Variants in PLCB1 observed in about 807,000 individuals in gnomAD.
PLCB1 encodes the protein 1-phosphatidylinositol 4,5-bisphosphate phosphodiesterase beta-1.
In PLCB1, 46 loss-of-function variants were observed where a neutral mutation model predicts 161.8. That is an observed-to-expected ratio of 0.28 (90% confidence interval 0.22 to 0.36). The LOEUF (loss-of-function observed/expected upper bound fraction) is 0.36, where lower values mean the gene tolerates loss of function less well. Among genes scored for constraint, PLCB1 ranks in the 10% least tolerant of loss-of-function variants. The pLI is 1.00. For missense variants in PLCB1, 1,016 were observed against 1,472.5 expected (o/e 0.69, Z 5.07); for synonymous variants, 517 against 503.7 (o/e 1.03, Z -0.35).
intron 3 of PLCB1, among the ~76,000 whole-genome samples, chr20:8,465,360 C>G (rs1720960547): frequency 6.6e-6 from 1 of 152,094 alleles, no homozygotes; most frequent in African/African-American, 2.4e-5. Context: ...GGTATGAAAT[C>G]TCTTTGGAGA....
intron 2 of PLCB1, among the ~76,000 whole-genome samples, chr20:8,247,180 A>G (rs755968381): frequency 7.9e-5 from 12 of 151,952 alleles, no homozygotes; most frequent in Non-Finnish European, 1.8e-4. Context: ...AAGAAAAGAC[A>G]TTTATCAGAT....
In PLCB1 at chr20:8,150,362, T is replaced by A; in HGVS notation, c.168T>A (p.Asp56Glu). 2 of 1,523,134 alleles carry A rather than the reference T, an allele frequency of 1.3e-6. No homozygotes were observed. Among genetic ancestry groups the A allele is most frequent in the South Asian group, 1.2e-5 (1 of 85,202 alleles). 94.4% of individuals were successfully genotyped at this position (1,523,134 alleles called of 1,614,324 possible). A position where few individuals can be genotyped will look rare whatever the true frequency, so the allele number is the denominator to read the frequency against. ...AGGGATTTTTCTTTTACTGGACAGATCAAAACAAGGTAAGAAATGAGGTAT... is the reference window on the plus strand; with the variant it reads ...AGGGATTTTTCTTTTACTGGACAGAACAAAACAAGGTAAGAAATGAGGTAT... ...DPQGFFFYWT[D>E]QNKETELLDL... is the part of the protein sequence containing the mutation. The change falls in exon 2 of 32, where the codon GAT (aspartate) becomes GAA (glutamate). Residue 56 changes from aspartate (D) to glutamate (E), a missense_variant. Asp to Glu is a conservative substitution (Grantham distance 45). Around this residue, in one of 10 missense-constraint regions of PLCB1, gnomAD observed 181 missense variants for 236.7 expected, o/e 0.76. Transcript: ENST00000338037.
chr20:8,489,249 T>C (rs552879001), intron 3 of PLCB1, among the ~76,000 whole-genome samples: 1 of 152,222 alleles, frequency 6.6e-6, no homozygotes, highest in South Asian at 2.1e-4. Flanking sequence ...TACACCAGAT[T>C]TGCCTAGAGG....
At chr20:8,139,177 G>T (rs1362243875) in intron 1 of PLCB1, among the ~76,000 whole-genome samples, 1 of 139,724 alleles carries the variant, frequency 7.2e-6, no homozygotes, top group Non-Finnish European at 1.5e-5. Flanking sequence ...AACCTCTGCA[G>T]CCGGGTTCAA....
At chr20:8,562,498 G>A (rs1412440431) in intron 3 of PLCB1, among the ~76,000 whole-genome samples, 1 of 152,068 alleles carries the variant, frequency 6.6e-6, no homozygotes, top group Non-Finnish European at 1.5e-5. Flanking sequence ...AGTGTTCCTT[G>A]CTGCCTATTT....
intron 26 of PLCB1, among the ~76,000 whole-genome samples, chr20:8,767,757 A>G (rs16995191): frequency 0.012 from 1,774 of 152,328 alleles, 27 homozygotes; most frequent in African/African-American, 0.04. Flanking sequence ...ATAGCATTTC[A>G]TTGAGTGTCA....
intron 11 of PLCB1, among the ~76,000 whole-genome samples, chr20:8,700,367 G>T (rs899384652): frequency 3.3e-5 from 5 of 152,194 alleles, no homozygotes; most frequent in Admixed American, 6.5e-5. Context: ...ACATCCTAAG[G>T]CATATTTATT....
At chr20:8,723,783 G>C (rs146834248) in intron 15 of PLCB1, among the ~76,000 whole-genome samples, 69 of 152,164 alleles carry the variant, frequency 4.5e-4, no homozygotes, top group African/African-American at 1.6e-3. Context: ...AGGCAGGCTG[G>C]CTCTAGAACG....
chr20:8,682,514 T>C (rs1288479172), intron 9 of PLCB1, among the ~76,000 whole-genome samples: 1 of 152,178 alleles, frequency 6.6e-6, no homozygotes, highest in African/African-American at 2.4e-5. Context: ...TCTTGGACAA[T>C]AGTAAAAGCA....
chr20:8,139,574 G>A (rs1189431752), intron 1 of PLCB1, among the ~76,000 whole-genome samples: 1 of 151,542 alleles, frequency 6.6e-6, no homozygotes, highest in Admixed American at 6.6e-5. Flanking sequence ...ATATTATTTT[G>A]CCATTAAAAA....
At chr20:8,640,218 A>G (rs2123261273) in intron 4 of PLCB1, among the ~76,000 whole-genome samples, 1 of 152,352 alleles carries the variant, frequency 6.6e-6, no homozygotes, top group Middle Eastern at 3.4e-3. Context: ...CTCGTTCACT[A>G]ATCAGTTTTC....
chr20:8,193,263 CT>C (rs1253027998), intron 2 of PLCB1, among the ~76,000 whole-genome samples: 1 of 151,940 alleles, frequency 6.6e-6, no homozygotes, highest in African/African-American at 2.4e-5. Context: ...GAAAGTCCAG[CT>C]TCTGTAATGT....
chr20:8,350,761 C>A (rs948571227), intron 2 of PLCB1, among the ~76,000 whole-genome samples: 1 of 151,830 alleles, frequency 6.6e-6, no homozygotes, highest in Non-Finnish European at 1.5e-5. Flanking sequence ...AAAAATATCA[C>A]CAAAAAATGA....
intron 3 of PLCB1, among the ~76,000 whole-genome samples, chr20:8,449,177 C>A (rs117617087): frequency 6.6e-6 from 1 of 152,158 alleles, no homozygotes; most frequent in African/African-American, 2.4e-5. Context: ...ATGCTTATGA[C>A]ATACCAGGTC....
intron 2 of PLCB1, among the ~76,000 whole-genome samples, chr20:8,267,193 T>A (rs1455858120): frequency 7.1e-6 from 1 of 140,028 alleles, no homozygotes; most frequent in Non-Finnish European, 1.5e-5. Context: ...CAAGCAATAA[T>A]CATGCCTTAA....
chr20:8,853,716 G>A (rs527770781), intron 31 of PLCB1, among the ~76,000 whole-genome samples: 1 of 152,174 alleles, frequency 6.6e-6, no homozygotes, highest in Admixed American at 6.5e-5. Flanking sequence ...TTCAGTTCAA[G>A]CAAAGAAAAG....
At chr20:8,147,734 G>A (rs1426613558) in intron 1 of PLCB1, among the ~76,000 whole-genome samples, 1 of 152,192 alleles carries the variant, frequency 6.6e-6, no homozygotes, top group South Asian at 2.1e-4. Flanking sequence ...AGGAACTGTG[G>A]CCGGAAGAGT....
chr20:8,843,184 C>G lies in PLCB1; in HGVS notation c.3424-38438C>G, dbSNP rs1050631991. Among the ~76,000 whole-genome samples, 82 of 152,130 alleles carry G rather than the reference C, an allele frequency of 5.4e-4. 1 individual carries two copies. The highest frequency in any genetic ancestry group is 1.9e-3 in the African/African-American group (80 of 41,436). ...TAAAATATTAGAAAACCTACAAAAT[C>G]TGGGTTGAAAATGAGTATTTGAACT... On this transcript the variant is annotated intron_variant, in intron 31 of 31. Coordinates refer to ENST00000338037, the MANE Select transcript of PLCB1 (RefSeq NM_015192.4).
chr20:8,766,257 G>A (rs1432756460), intron 26 of PLCB1, among the ~76,000 whole-genome samples: 1 of 152,152 alleles, frequency 6.6e-6, no homozygotes, highest in African/African-American at 2.4e-5. Flanking sequence ...CAAACACACA[G>A]CATCATCTCA....
Sources: allele counts gnomAD v4.1 joint callset (sites outside exome capture counted in the v4.1 genomes callset), GRCh38; gene constraint gnomAD v4.1.1; regional missense constraint gnomAD v4.1.1; transcripts MANE v1.5; gene names NCBI Gene and HGNC (gene_info 2026-07-23, HGNC 2026-07-21).